ALPL: variants seen among roughly 807,000 people sequenced by gnomAD.
The protein encoded by ALPL is alkaline phosphatase, biomineralization associated.
In ALPL, 42 loss-of-function variants were observed where a neutral mutation model predicts 51.3. That is an observed-to-expected ratio of 0.82 (90% CI 0.64 to 1.06). The LOEUF (loss-of-function observed/expected upper bound fraction) is 1.06, where lower values mean the gene tolerates loss of function less well. ALPL is among the 50% of genes least tolerant of loss of function. The pLI, the probability that ALPL is intolerant of heterozygous loss-of-function variation, is 0.00. For missense variants in ALPL, 589 were observed against 709.4 expected, an observed-to-expected ratio of 0.83 and a Z score of 1.93; for synonymous variants, 279 against 296.4, an observed-to-expected ratio of 0.94 and a Z score of 0.60.
In ALPL at chr1:21,564,338, G is replaced by T; in HGVS notation, c.648+122G>T. 1.6e-6 allele frequency: 2 copies of T among 1,288,410 alleles called. No individual in the cohort carries two copies. Among genetic ancestry groups the T allele is most frequent in the South Asian group, 1.3e-5 (1 of 75,034 alleles). 79.8% of individuals were successfully genotyped at this position (1,288,410 alleles called of 1,614,324 possible). ...GGCCTGGCTCCCCACACACCTGGGA[G>T]GCTCCCAGCCCATTAGGGGATTTGC... On this transcript the variant is annotated intron_variant, in intron 6 of 11. Coordinates refer to ENST00000374840, the MANE Select transcript of ALPL (RefSeq NM_000478.6). This position sits in a 1 kb window ranked among gnomAD's most constrained non-coding sequence, Gnocchi z 5.8.
intron 1 of ALPL, among the ~76,000 whole-genome samples, chr1:21,526,513 C>T (rs1347306292): frequency 6.6e-6 from 1 of 152,084 alleles, no homozygotes; most frequent in Admixed American, 6.6e-5. Context: ...TCATTCAGTT[C>T]TAAGTAATTT....
rs370875437 is a variant in ALPL, at chr1:21,570,214, A to G, written c.793-91A>G. 1.9e-4 allele frequency: 246 copies of G among 1,311,866 alleles called. 3 individuals are homozygous for G. The South Asian group carries it at 2.7e-3, about 14-fold the overall frequency. The allele number at this position is 1,311,866 out of a possible 1,614,324, so 81.3% of individuals were successfully genotyped here. A position where few individuals can be genotyped will look rare whatever the true frequency, so the allele number is the denominator to read the frequency against. The stretch of plus-strand genomic sequence containing the variant: ...GATTTTTAAGTGAGGGAAGGAAACA[A>G]GTAAAGGCCTCAGACTCTGATAGCT... On this transcript the variant is annotated intron_variant, in intron 7 of 11. Coordinates refer to ENST00000374840, the MANE Select transcript of ALPL (RefSeq NM_000478.6).
chr1:21,568,935 G>A (rs966344359), intron 7 of ALPL, among the ~76,000 whole-genome samples: 6 of 152,186 alleles, frequency 3.9e-5, no homozygotes, highest in South Asian at 4.1e-4. Context: ...GCTGGCCTGC[G>A]GGCCTGGGGC....
chr1:21,554,850 T>TTTCC (rs1644386977), intron 2 of ALPL, among the ~76,000 whole-genome samples: 1 of 135,936 alleles, frequency 7.4e-6, no homozygotes, highest in Non-Finnish European at 1.6e-5. Context: ...TCTTTCTTTC[T>TTTCC]TTCTTTCTTT....
chr1:21,563,378 GCTT>G, intron 5 of ALPL, 94 bp downstream of exon 5: 1 of 1,438,992 alleles, frequency 6.9e-7, no homozygotes, highest in South Asian at 1.4e-5. Context: ...GCTAGAAAAG[GCTT>G]CTCTGTGGGG....
At chr1:21,543,535 C>G (rs576028940) in intron 1 of ALPL, among the ~76,000 whole-genome samples, 1 of 151,960 alleles carries the variant, frequency 6.6e-6, no homozygotes, top group Non-Finnish European at 1.5e-5. Context: ...TGCCATGAGC[C>G]GAGATCACGC....
chr1:21,562,442 T>C (rs948422779), intron 4 of ALPL, among the ~76,000 whole-genome samples: 5 of 152,122 alleles, frequency 3.3e-5, no homozygotes, highest in African/African-American at 7.2e-5. Context: ...GTGGTGATAG[T>C]GGTGTTATGT....
intron 1 of ALPL, among the ~76,000 whole-genome samples, chr1:21,550,185 G>A (rs1050515822): frequency 6.6e-6 from 1 of 152,174 alleles, no homozygotes; most frequent in African/African-American, 2.4e-5. Flanking sequence ...TGACGGTGGC[G>A]GTGGTGGTTA....
At chr1:21,513,389 C>A (rs1300002139) in intron 1 of ALPL, among the ~76,000 whole-genome samples, 2 of 152,124 alleles carry the variant, frequency 1.3e-5, no homozygotes, top group South Asian at 4.1e-4. Flanking sequence ...TTTTGAAAAT[C>A]ATTGTTTAAG....
chr1:21,528,498 C>T (rs1643983115), intron 1 of ALPL, among the ~76,000 whole-genome samples: 1 of 151,738 alleles, frequency 6.6e-6, no homozygotes, highest in African/African-American at 2.4e-5. Flanking sequence ...CGGGCATGTG[C>T]CACCATGCCT....
intron 6 of ALPL, among the ~76,000 whole-genome samples, chr1:21,567,392 A>T (rs1644581276): frequency 6.6e-6 from 1 of 151,764 alleles, no homozygotes; most frequent in Admixed American, 6.6e-5. Context: ...CGCACACACC[A>T]GCTGGTGGGT....
chr1:21,572,622 G>C (rs1257977020), intron 8 of ALPL, among the ~76,000 whole-genome samples: 1 of 152,164 alleles, frequency 6.6e-6, no homozygotes, highest in Non-Finnish European at 1.5e-5. Context: ...CTAACAGCAT[G>C]TGGCACCAAG....
intron 10 of ALPL, among the ~76,000 whole-genome samples, chr1:21,576,261 G>GGAT (rs1247581356): frequency 2.6e-5 from 1 of 38,566 alleles, no homozygotes; most frequent in African/African-American, 9.7e-5. Flanking sequence ...GATGATGGAT[G>GGAT]GATGGATGGG....
intron 1 of ALPL, among the ~76,000 whole-genome samples, chr1:21,534,300 G>A (rs1374246261): frequency 1.3e-5 from 2 of 152,220 alleles, no homozygotes; most frequent in Non-Finnish European, 1.5e-5. Context: ...CTGACTGTCC[G>A]CCCTTGGCCA....
At position 21,554,109 on chromosome 1, in the gene ALPL, A is replaced by G. The variant is rs987088751; in HGVS notation, c.28A>G (p.Ile10Val). The G allele has an allele frequency of 6.4e-7, 1 of 1,566,908 alleles. No individual in the cohort carries two copies. Among genetic ancestry groups the G allele is most frequent in the Non-Finnish European group, 8.7e-7 (1 of 1,151,906 alleles). The change falls in exon 2 of 12, where the codon ATT (isoleucine) becomes GTT (valine). Residue 10 changes from isoleucine to valine, a missense_variant. Coordinates refer to ENST00000374840, the MANE Select transcript of ALPL (RefSeq NM_000478.6). ...GATTTCACCATTCTTAGTACTGGCC[A>G]TTGGCACCTGCCTTACTAACTCCTT... MISPFLVLAIGTCLTNSLVP... is the reference protein window; with the variant it reads MISPFLVLAVGTCLTNSLVP...
At chr1:21,554,829 C>CTTTCTTTCTCTCTCTCTTTCTT (rs1558543965) in intron 2 of ALPL, among the ~76,000 whole-genome samples, 1 of 122,972 alleles carries the variant, frequency 8.1e-6, no homozygotes. Context: ...TTCTTTCTTT[C>CTTTCTTTCTCTCTCTCTTTCTT]TTTCTTTCTT....
intron 1 of ALPL, among the ~76,000 whole-genome samples, chr1:21,524,803 C>T (rs1215629327): frequency 6.6e-6 from 1 of 152,154 alleles, no homozygotes; most frequent in Non-Finnish European, 1.5e-5. Context: ...GCTCCCTGAG[C>T]TTAGAAGTGC....
At chr1:21,528,525 T>C (rs972703942) in intron 1 of ALPL, among the ~76,000 whole-genome samples, 1 of 151,482 alleles carries the variant, frequency 6.6e-6, no homozygotes, top group African/African-American at 2.4e-5. Context: ...TTTTTTTTTG[T>C]ATTTTTAGTA....
intron 1 of ALPL, among the ~76,000 whole-genome samples, chr1:21,548,905 C>T (rs189036270): frequency 2.6e-5 from 4 of 152,262 alleles, no homozygotes; most frequent in Admixed American, 6.5e-5. Flanking sequence ...GCGTTTGATT[C>T]TTTACATTCA....
Sources: allele counts gnomAD v4.1 joint callset (sites outside exome capture counted in the v4.1 genomes callset), GRCh38; gene constraint gnomAD v4.1.1; non-coding constraint Gnocchi (gnomAD v3.1); transcripts MANE v1.5; gene names NCBI Gene and HGNC (gene_info 2026-07-23, HGNC 2026-07-21).